SLC3A2: variants seen among roughly 807,000 people sequenced by gnomAD.
SLC3A2 encodes the protein solute carrier family 3 member 2, also known as amino acid transporter heavy chain SLC3A2.
In SLC3A2, 32 loss-of-function variants were observed where a neutral mutation model predicts 48.5. The observed-to-expected ratio is 0.66, with a 90% CI of 0.50 to 0.89. The LOEUF (loss-of-function observed/expected upper bound fraction) is 0.89, where lower values mean the gene tolerates loss of function less well. Ranked by LOEUF, SLC3A2 falls within the 40% of genes least tolerant of loss-of-function variation. SLC3A2 has a pLI of 0.00. For missense variants in SLC3A2, 587 were observed against 680.7 expected, an observed-to-expected ratio of 0.86 and a Z score of 1.53; for synonymous variants, 277 against 288.8, an observed-to-expected ratio of 0.96 and a Z score of 0.41.
chr11:62,881,826 A>C lies in SLC3A2; in HGVS notation c.425-67A>C. 6.5e-7 allele frequency: 1 copy of C among 1,537,934 alleles called. No individual in the cohort carries two copies. Among genetic ancestry groups the C allele is most frequent in the Non-Finnish European group, 8.9e-7 (1 of 1,124,970 alleles). On this transcript the variant is annotated intron_variant, in intron 1 of 8. Transcript: ENST00000338663. This position sits in a 1 kb window ranked among gnomAD's most constrained non-coding sequence, Gnocchi z 4.0. ...CCGTCCCACCCTTAGGCGCTGGGAGAAGGGAGGGTGGGGAGGTCAGGGGCC... is the reference window on the plus strand; with the variant it reads ...CCGTCCCACCCTTAGGCGCTGGGAGCAGGGAGGGTGGGGAGGTCAGGGGCC...
chr11:62,856,238 A>G (rs754438517), exon 1 of SLC3A2: 7 of 1,567,604 alleles, frequency 4.5e-6, no homozygotes, highest in Non-Finnish European at 6.1e-6. Flanking sequence ...CCTTGCCCAC[A>G]CACCCCAAAC....
In SLC3A2 at chr11:62,884,511, A is replaced by C. The variant is rs2085681441; in HGVS notation, c.745A>C (p.Ile249Leu). 6.2e-7 allele frequency: 1 copy of C among 1,614,232 alleles called. No individual in the cohort carries two copies. The highest frequency in any genetic ancestry group is 8.5e-7 in the Non-Finnish European group (1 of 1,180,042). ...CGTGGATGGGTTCCAGGTTCGGGAC[A>C]TAGAGAATCTGAAGGTGAGTTCCCT... ...AGVDGFQVRD[I>L]ENLKDASSFL... is the part of the protein sequence containing the mutation. Residue 249 changes from isoleucine to leucine, a missense_variant, in exon 4 of 9, where the codon ATA (isoleucine) becomes CTA (leucine). Transcript: ENST00000338663.
intron 1 of SLC3A2, among the ~76,000 whole-genome samples, chr11:62,871,333 G>A (rs1203541064): frequency 6.7e-6 from 1 of 150,122 alleles, no homozygotes; most frequent in Non-Finnish European, 1.5e-5. Flanking sequence ...CTGCCTCCCA[G>A]GTTCAAGCAA....
Position 62,888,546 on chromosome 11 carries a change from C to A in SLC3A2, c.1443C>A (p.Asp481Glu), listed in dbSNP as rs761683449. 2.5e-6 allele frequency: 4 copies of A among 1,614,148 alleles called. No individual in the cohort carries two copies. The highest frequency in any genetic ancestry group is 3.4e-6 in the Non-Finnish European group (4 of 1,180,038). Residue 481 changes from aspartate to glutamate, a missense_variant, in exon 9 of 9, where the codon GAC (aspartate) becomes GAA (glutamate). Physicochemically the swap from Asp to Glu is conservative, Grantham distance 45. Transcript: ENST00000338663. ...VGLSAGLQAS[D>E]LPASASLPAK... ...TCTCGGCTGGACTGCAGGCCTCCGA[C>A]CTGCCTGCCAGCGCCAGCCTGCCAG... is the stretch of plus-strand genomic sequence containing the variant.
At chr11:62,857,946 A>G (rs1431116118) in intron 1 of SLC3A2, among the ~76,000 whole-genome samples, 1 of 152,150 alleles carries the variant, frequency 6.6e-6, no homozygotes, top group East Asian at 1.9e-4. Flanking sequence ...AAAGATGGGC[A>G]AAAGGGGAGT....
intron 1 of SLC3A2, among the ~76,000 whole-genome samples, chr11:62,863,690 A>G (rs1007587579): frequency 6.6e-6 from 1 of 152,162 alleles, no homozygotes; most frequent in African/African-American, 2.4e-5. Flanking sequence ...TTTATATCTG[A>G]CTAAAGGGTC....
At chr11:62,873,642 A>G (rs908490931) in intron 1 of SLC3A2, among the ~76,000 whole-genome samples, 9 of 151,982 alleles carry the variant, frequency 5.9e-5, no homozygotes, top group African/African-American at 2.2e-4. Context: ...AATTAAAATC[A>G]AACTTTTTTT....
At chr11:62,862,192 C>T (rs2085406517) in intron 1 of SLC3A2, among the ~76,000 whole-genome samples, 1 of 151,284 alleles carries the variant, frequency 6.6e-6, no homozygotes, top group African/African-American at 2.4e-5. Flanking sequence ...TGGAGTGTGC[C>T]TGTAATCCCA....
In SLC3A2 at chr11:62,881,099, G is replaced by C. The variant is rs1259011681; in HGVS notation, c.76G>C (p.Ala26Pro). 1 of 1,609,056 alleles carries C rather than the reference G, an allele frequency of 6.2e-7. No homozygotes were observed. The highest frequency in any genetic ancestry group is 1.7e-5 in the Admixed American group (1 of 59,248). The change falls in exon 1 of 9, where the codon GCG becomes CCG. Residue 26 changes from alanine (A) to proline (P), a missense_variant. Physicochemically the swap from Ala to Pro is conservative, Grantham distance 27. This residue lies in a region of SLC3A2 where 409 missense variants were observed against 446.7 expected (regional missense o/e 0.92). Transcript: ENST00000338663. The surrounding 1 kb of genome is among the most constrained non-coding windows in gnomAD (Gnocchi z 4.0). Reference protein sequence around the residue: ...ELEPEKQPMNAASGAAMSLAG... With the variant: ...ELEPEKQPMNPASGAAMSLAG... ...AGAGCCCGAGAAGCAGCCGATGAAC[G>C]CGGCGTCTGGGGCGGCCATGTCCCT...
chr11:62,883,137 C>T, intron 3 of SLC3A2, 138 bp downstream of exon 3: 2 of 717,688 alleles, frequency 2.8e-6, no homozygotes, highest in Non-Finnish European at 5.0e-6. Flanking sequence ...ATGCCTCCTC[C>T]TATAGCCAAA....
At position 62,881,632 on chromosome 11, in the gene SLC3A2, A is replaced by AC. The variant is rs759547952; in HGVS notation, c.424+188dup. On this transcript the variant is annotated intron_variant, in intron 1 of 8. Coordinates refer to ENST00000338663, the MANE Select transcript of SLC3A2 (RefSeq NM_001013251.3). This position sits in a 1 kb window ranked among gnomAD's most constrained non-coding sequence, Gnocchi z 4.0. ...TCCCTCCTTTCTTTGAAGAAAGCCG[A>AC]CCCGCCCCTCACTCCGTCACGAGGG... The AC allele has an allele frequency of 2.1e-3, 2,045 of 961,786 alleles. 4 individuals carry two copies. Among genetic ancestry groups the AC allele is most frequent in the Middle Eastern group, 6.1e-3 (18 of 2,952 alleles). 59.6% of individuals were successfully genotyped at this position (961,786 alleles called of 1,614,324 possible). A position where few individuals can be genotyped will look rare whatever the true frequency, so the allele number is the denominator to read the frequency against.
intron 1 of SLC3A2, among the ~76,000 whole-genome samples, chr11:62,861,978 T>G (rs956674010): frequency 6.9e-6 from 1 of 145,536 alleles, no homozygotes; most frequent in Non-Finnish European, 1.5e-5. Context: ...TCAGTGCCTC[T>G]CCATTGTCTT....
chr11:62,879,021 C>T (rs1197775515), upstream of SLC3A2, among the ~76,000 whole-genome samples: 1 of 151,976 alleles, frequency 6.6e-6, no homozygotes, highest in African/African-American at 2.4e-5. Context: ...TATCCGCCAC[C>T]CTCAGCCTCC....
In SLC3A2 at chr11:62,881,412, A is replaced by G. The variant is rs779945959; in HGVS notation, c.389A>G (p.Gln130Arg). ...TGALYRIGDL[Q>R]AFQGHGAGNL... ...GCCCTCTACCGCATCGGCGACCTTC[A>G]GGCCTTCCAGGGCCACGGCGCGGGC... Residue 130 changes from glutamine to arginine, a missense_variant, in exon 1 of 9, where the codon CAG becomes CGG. Gln to Arg is a conservative substitution (Grantham distance 43, BLOSUM62 1). Coordinates refer to ENST00000338663, the MANE Select transcript of SLC3A2 (RefSeq NM_001013251.3). This position sits in a 1 kb window ranked among gnomAD's most constrained non-coding sequence, Gnocchi z 4.0. 22 of 1,592,306 alleles carry G rather than the reference A, an allele frequency of 1.4e-5. No homozygotes were observed. In the South Asian group the frequency reaches 1.9e-4, roughly 14 times the overall value.
intron 1 of SLC3A2, among the ~76,000 whole-genome samples, chr11:62,875,533 C>T (rs1393622327): frequency 6.6e-6 from 1 of 151,306 alleles, no homozygotes; most frequent in East Asian, 1.9e-4. Context: ...GAGACTTCAT[C>T]TCAAAAAAAA....
Position 62,880,964 on chromosome 11 carries a change from G to C in SLC3A2, c.-60G>C. 1 of 1,513,980 alleles carries C rather than the reference G, an allele frequency of 6.6e-7. No homozygotes were observed. The highest frequency in any genetic ancestry group is 8.8e-7 in the Non-Finnish European group (1 of 1,131,584). 93.8% of individuals were successfully genotyped at this position (1,513,980 alleles called of 1,614,324 possible). A position where few individuals can be genotyped will look rare whatever the true frequency, so the allele number is the denominator to read the frequency against. ...GAGCGTTCTGGGTCCGAGGGTCCAG[G>C]TAGGGGTTGAGCCACCATCTGACCG... On this transcript the variant is annotated 5_prime_UTR_variant, in exon 1 of 9. Coordinates refer to ENST00000338663, the MANE Select transcript of SLC3A2 (RefSeq NM_001013251.3).
intron 7 of SLC3A2, 97 bp from the exon 8 acceptor site, chr11:62,888,038 C>A: frequency 9.4e-7 from 1 of 1,067,262 alleles, no homozygotes; most frequent in Non-Finnish European, 1.4e-6. Flanking sequence ...TCAAGCAATC[C>A]TCTTGGCCTT....
intron 1 of SLC3A2, among the ~76,000 whole-genome samples, chr11:62,856,645 C>T (rs1459930552): frequency 6.6e-6 from 1 of 152,110 alleles, no homozygotes; most frequent in Non-Finnish European, 1.5e-5. Flanking sequence ...AGGATGACAA[C>T]CCCCATTTTA....
At chr11:62,883,509 A>G (rs1481449517) in intron 3 of SLC3A2, 1 of 182,184 alleles carries the variant, frequency 5.5e-6, no homozygotes. Flanking sequence ...CCAGCAGGCT[A>G]GGAGTAGGGC....
Sources: allele counts gnomAD v4.1 joint callset (sites outside exome capture counted in the v4.1 genomes callset), GRCh38; gene constraint gnomAD v4.1.1; regional missense constraint gnomAD v4.1.1; non-coding constraint Gnocchi (gnomAD v3.1); transcripts MANE v1.5; gene names NCBI Gene and HGNC (gene_info 2026-07-23, HGNC 2026-07-21).